FSHR: variants seen among roughly 807,000 people sequenced by gnomAD.
The protein encoded by FSHR is follicle-stimulating hormone receptor.
Under a neutral mutation model 52.1 loss-of-function variants are expected in FSHR, and 46 were observed. The observed-to-expected ratio is 0.88, with a 90% CI of 0.70 to 1.13. The LOEUF is 1.13. Ranked by LOEUF, FSHR falls within the 50% of genes most tolerant of loss-of-function variation. The pLI is 0.00. For missense variants in FSHR, 964 were observed against 834.6 expected (o/e 1.16, Z -1.91); for synonymous variants, 399 against 309.6 (o/e 1.29, Z -3.03).
chr2:49,058,393 A>T (rs1433325021), intron 2 of FSHR, among the ~76,000 whole-genome samples: 1 of 152,074 alleles, frequency 6.6e-6, no homozygotes, highest in Admixed American at 6.5e-5. Flanking sequence ...CTAAAATACA[A>T]AAAATTAGCC....
intron 4 of FSHR, 97 bp from the exon 5 acceptor site, chr2:48,990,734 A>G (rs1448552002): frequency 2.4e-6 from 2 of 818,044 alleles, no homozygotes; most frequent in South Asian, 1.4e-5. Flanking sequence ...TCAATTTTGA[A>G]CCATCAGAAA....
chr2:49,115,232 A>G (rs1047214081), intron 1 of FSHR, among the ~76,000 whole-genome samples: 36 of 151,742 alleles, frequency 2.4e-4, no homozygotes, highest in African/African-American at 8.2e-4. Context: ...ATTTGGACAC[A>G]CTACCTTAAT....
intron 1 of FSHR, among the ~76,000 whole-genome samples, chr2:49,083,108 A>G (rs942753147): frequency 6.6e-6 from 1 of 151,822 alleles, no homozygotes; most frequent in African/African-American, 2.4e-5. Context: ...AGGTCGGGTT[A>G]CCCTCAAAGG....
chr2:49,118,455 C>G (rs1206945412), intron 1 of FSHR, among the ~76,000 whole-genome samples: 2 of 152,152 alleles, frequency 1.3e-5, no homozygotes, highest in Admixed American at 1.3e-4. Flanking sequence ...CACATGGCAG[C>G]AGTGGGACCG....
At chr2:48,979,600 C>T (rs898675180) in intron 8 of FSHR, among the ~76,000 whole-genome samples, 1 of 152,110 alleles carries the variant, frequency 6.6e-6, no homozygotes, top group Non-Finnish European at 1.5e-5. Context: ...CAGCCTGCAC[C>T]CAATAATTCT....
intron 1 of FSHR, among the ~76,000 whole-genome samples, chr2:49,089,621 A>G (rs965310115): frequency 4.6e-5 from 7 of 152,244 alleles, no homozygotes; most frequent in Admixed American, 2.6e-4. Flanking sequence ...CAACAATGAT[A>G]TAATAGGATC....
chr2:49,019,817 C>T (rs1667625167), intron 3 of FSHR, among the ~76,000 whole-genome samples: 1 of 152,200 alleles, frequency 6.6e-6, no homozygotes, highest in Non-Finnish European at 1.5e-5. Context: ...CACAGAGGTG[C>T]TTGCACATAG....
intron 1 of FSHR, among the ~76,000 whole-genome samples, chr2:49,074,421 A>G (rs1377242187): frequency 6.6e-6 from 1 of 152,148 alleles, no homozygotes; most frequent in Non-Finnish European, 1.5e-5. Flanking sequence ...TACATAAAAC[A>G]GGTTCCCTGA....
chr2:49,131,705 A>T (rs895735090), intron 1 of FSHR, among the ~76,000 whole-genome samples: 1 of 152,176 alleles, frequency 6.6e-6, no homozygotes, highest in East Asian at 1.9e-4. Flanking sequence ...TACTTGGCAC[A>T]TTTCTAGAAA....
At chr2:49,130,141 A>G (rs1382212412) in intron 1 of FSHR, among the ~76,000 whole-genome samples, 2 of 152,184 alleles carry the variant, frequency 1.3e-5, no homozygotes, top group Non-Finnish European at 2.9e-5. Flanking sequence ...TTTGTGCCTC[A>G]GTAGCTTTTT....
intron 8 of FSHR, among the ~76,000 whole-genome samples, chr2:48,980,264 A>C (rs927626305): frequency 1.3e-5 from 2 of 152,170 alleles, no homozygotes; most frequent in African/African-American, 4.8e-5. Flanking sequence ...CTACCTTTTT[A>C]AGTCATGGGG....
At chr2:49,021,125 A>G (rs542245396) in intron 2 of FSHR, among the ~76,000 whole-genome samples, 1 of 152,298 alleles carries the variant, frequency 6.6e-6, no homozygotes, top group Non-Finnish European at 1.5e-5. Flanking sequence ...AATAAAACAT[A>G]TATTTAAATC....
In FSHR at chr2:48,962,947, A is replaced by T; in HGVS notation, c.1874T>A (p.Leu625His). Residue 625 changes from leucine (L) to histidine (H), a missense_variant, in exon 10 of 10, where the codon CTC becomes CAC. Leu to His is a moderately conservative substitution (Grantham distance 99). Coordinates refer to ENST00000406846, the MANE Select transcript of FSHR (RefSeq NM_000145.4). ...HPINSCANPFLYAIFTKNFRR... is the reference protein window; with the variant it reads ...HPINSCANPFHYAIFTKNFRR... ...AAAGTTTTTGGTAAAGATGGCATAGAGGAAGGGGTTGGCACAGGAGTTGAT... is the reference window on the plus strand; with the variant it reads ...AAAGTTTTTGGTAAAGATGGCATAGTGGAAGGGGTTGGCACAGGAGTTGAT... 6.2e-7 allele frequency: 1 copy of T among 1,614,154 alleles called. No individual in the cohort carries two copies. The highest frequency in any genetic ancestry group is 8.5e-7 in the Non-Finnish European group (1 of 1,180,016).
At chr2:49,013,083 C>T (rs1368709568) in intron 4 of FSHR, among the ~76,000 whole-genome samples, 8 of 151,824 alleles carry the variant, frequency 5.3e-5, no homozygotes, top group East Asian at 1.9e-4. Flanking sequence ...TCTCCTTTCT[C>T]TCCACCTCTC....
chr2:49,010,764 T>G (rs1308271570), intron 4 of FSHR, among the ~76,000 whole-genome samples: 1 of 152,128 alleles, frequency 6.6e-6, no homozygotes, highest in Non-Finnish European at 1.5e-5. Flanking sequence ...TGGAAGAATG[T>G]ATGTGTCAAG....
intron 1 of FSHR, among the ~76,000 whole-genome samples, chr2:49,073,899 A>G (rs1669849407): frequency 6.6e-6 from 1 of 152,058 alleles, no homozygotes; most frequent in Non-Finnish European, 1.5e-5. Context: ...TTGACATTCA[A>G]CTAATTTTTG....
At chr2:49,010,865 G>A (rs199797170) in intron 4 of FSHR, among the ~76,000 whole-genome samples, 95,971 of 151,654 alleles carry the variant, frequency 0.63, 33,143 homozygotes, top group East Asian at 0.77. Flanking sequence ...CTGTGGGATC[G>A]GTGGTGATAT....
intron 2 of FSHR, among the ~76,000 whole-genome samples, chr2:49,064,436 G>A (rs1669430758): frequency 6.6e-6 from 1 of 152,012 alleles, no homozygotes; most frequent in African/African-American, 2.4e-5. Context: ...CTGCCACGTA[G>A]GGACATGTTT....
chr2:49,053,920 G>C (rs747181421), intron 2 of FSHR, among the ~76,000 whole-genome samples: 51 of 152,152 alleles, frequency 3.4e-4, no homozygotes, highest in Non-Finnish European at 6.3e-4. Context: ...ATAGACCTTA[G>C]TATTAACATT....
Sources: gnomAD v4.1 joint callset for allele counts (sites outside exome capture counted in the v4.1 genomes callset) on GRCh38, gnomAD v4.1.1 for gene constraint, MANE v1.5 for transcripts, NCBI Gene and HGNC (gene_info 2026-07-23, HGNC 2026-07-21) for gene names.